Variants in RBFOX1 observed in about 807,000 individuals in gnomAD.
RBFOX1 encodes RNA binding fox-1 homolog 1, also known as RNA binding protein fox-1 homolog 1.
Under a neutral mutation model 57.7 loss-of-function variants are expected in RBFOX1, and 8 were observed. The ratio of observed to expected loss-of-function variants is 0.14; its 90% CI spans 0.08 to 0.25. The LOEUF (loss-of-function observed/expected upper bound fraction) is 0.25. RBFOX1 is among the 10% of genes least tolerant of loss of function. The pLI, the probability that RBFOX1 is intolerant of heterozygous loss-of-function variation, is 1.00. For missense variants in RBFOX1, 611 were observed against 548.5 expected (o/e 1.11, Z -1.14); for synonymous variants, 326 against 222.4 (o/e 1.47, Z -4.15).
intron 4 of RBFOX1, among the ~76,000 whole-genome samples, chr16:7,153,485 C>T (rs2076480753): frequency 6.6e-6 from 1 of 151,822 alleles, no homozygotes; most frequent in Non-Finnish European, 1.5e-5. Flanking sequence ...GTCTGTAATC[C>T]CAGCACTTTG....
chr16:6,962,746 C>T (rs1365417031), intron 3 of RBFOX1, among the ~76,000 whole-genome samples: 1 of 152,042 alleles, frequency 6.6e-6, no homozygotes, highest in Non-Finnish European at 1.5e-5. Context: ...TGTGTGTAGC[C>T]CCAGCTACCT....
chr16:6,863,231 A>T (rs528681258), intron 3 of RBFOX1, among the ~76,000 whole-genome samples: 1 of 152,096 alleles, frequency 6.6e-6, no homozygotes, highest in Non-Finnish European at 1.5e-5. Flanking sequence ...AAACATTCCA[A>T]CCTAAAGGCA....
intron 4 of RBFOX1, among the ~76,000 whole-genome samples, chr16:7,324,949 C>CAT (rs1394629934): frequency 6.6e-6 from 1 of 152,154 alleles, no homozygotes; most frequent in Non-Finnish European, 1.5e-5. Flanking sequence ...TTACAGAAGC[C>CAT]ATATACCTAT....
intron 4 of RBFOX1, among the ~76,000 whole-genome samples, chr16:7,124,085 G>A (rs2067831500): frequency 6.6e-6 from 1 of 152,206 alleles, no homozygotes; most frequent in Middle Eastern, 3.4e-3. Context: ...CCTCCCAAAT[G>A]CCCAGTGTTT....
At chr16:6,860,065 G>C (rs76839689) in intron 3 of RBFOX1, among the ~76,000 whole-genome samples, 1 of 152,302 alleles carries the variant, frequency 6.6e-6, no homozygotes, top group East Asian at 1.9e-4. Flanking sequence ...CGAGGTAAGT[G>C]AAGAGAGAGC....
chr16:5,715,402 C>T (rs1447058098), intron 3 of RBFOX1, among the ~76,000 whole-genome samples: 1 of 152,186 alleles, frequency 6.6e-6, no homozygotes, highest in Admixed American at 6.5e-5. Flanking sequence ...TGGGGACATT[C>T]AGTTGACATG....
chr16:6,483,330 C>T (rs2095405023), intron 2 of RBFOX1: 1 of 1,468,770 alleles, frequency 6.8e-7, no homozygotes, highest in South Asian at 1.4e-5. Flanking sequence ...CGTTCTGCAC[C>T]TGCTGGCGGT....
intron 3 of RBFOX1, among the ~76,000 whole-genome samples, chr16:6,876,950 A>G (rs1364847723): frequency 1.3e-5 from 2 of 152,142 alleles, no homozygotes; most frequent in Non-Finnish European, 2.9e-5. Context: ...CTCAGTATTT[A>G]TGGAAGAATA....
chr16:7,686,541 GA>G (rs964941650), intron 14 of RBFOX1, among the ~76,000 whole-genome samples: 2 of 151,816 alleles, frequency 1.3e-5, no homozygotes, highest in African/African-American at 4.8e-5. Flanking sequence ...GGTGGAGAGA[GA>G]AAGAGACTTT....
intron 3 of RBFOX1, among the ~76,000 whole-genome samples, chr16:5,841,678 G>C (rs572619165): frequency 6.6e-6 from 1 of 152,104 alleles, no homozygotes; most frequent in African/African-American, 2.4e-5. Flanking sequence ...GTAAGTCATG[G>C]GTGTCCTGTA....
chr16:6,147,034 G>C (rs1281403773), intron 1 of RBFOX1, among the ~76,000 whole-genome samples: 1 of 152,166 alleles, frequency 6.6e-6, no homozygotes, highest in African/African-American at 2.4e-5. Flanking sequence ...CACTGCATCA[G>C]CATCGCCTTG....
chr16:6,623,070 T>G (rs967691383), intron 2 of RBFOX1, among the ~76,000 whole-genome samples: 1 of 152,224 alleles, frequency 6.6e-6, no homozygotes, highest in Non-Finnish European at 1.5e-5. Flanking sequence ...CGACATATAT[T>G]GCAAATTACC....
At chr16:6,935,161 G>A (rs1232035065) in intron 3 of RBFOX1, among the ~76,000 whole-genome samples, 1 of 152,108 alleles carries the variant, frequency 6.6e-6, no homozygotes, top group Admixed American at 6.6e-5. Flanking sequence ...ATGCCTATCT[G>A]GCCTAATTTT....
At chr16:7,514,084 G>C (rs2075814891) in intron 4 of RBFOX1, among the ~76,000 whole-genome samples, 1 of 151,716 alleles carries the variant, frequency 6.6e-6, no homozygotes, top group Non-Finnish European at 1.5e-5. Flanking sequence ...ATGACATTCT[G>C]CCACAGCTAT....
intron 4 of RBFOX1, among the ~76,000 whole-genome samples, chr16:7,248,121 G>T (rs902353165): frequency 6.6e-6 from 1 of 152,194 alleles, no homozygotes; most frequent in Non-Finnish European, 1.5e-5. Context: ...GTGAATGAAG[G>T]CAAAGACTTC....
chr16:5,530,149 A>G (rs2044408619), intron 2 of RBFOX1, among the ~76,000 whole-genome samples: 1 of 152,174 alleles, frequency 6.6e-6, no homozygotes, highest in African/African-American at 2.4e-5. Context: ...ATACACCCTT[A>G]GAGCCTGAGA....
chr16:7,500,916 G>A (rs2070577671), intron 4 of RBFOX1, among the ~76,000 whole-genome samples: 2 of 152,150 alleles, frequency 1.3e-5, no homozygotes, highest in African/African-American at 2.4e-5. Context: ...GTAATAGTGA[G>A]TGACTTCTCA....
chr16:6,148,102 G>A (rs184755144), intron 1 of RBFOX1, among the ~76,000 whole-genome samples: 1 of 152,206 alleles, frequency 6.6e-6, no homozygotes, highest in Non-Finnish European at 1.5e-5. Context: ...GCCGAGGCGG[G>A]TGGATCACCT....
intron 4 of RBFOX1, among the ~76,000 whole-genome samples, chr16:7,178,157 A>G (rs750445982): frequency 6.6e-6 from 1 of 152,234 alleles, no homozygotes; most frequent in Non-Finnish European, 1.5e-5. Context: ...AACAAAAAAC[A>G]TGTTTATTCC....
Sources: gnomAD v4.1 joint callset for allele counts (sites outside exome capture counted in the v4.1 genomes callset) on GRCh38, gnomAD v4.1.1 for gene constraint, MANE v1.5 for transcripts, NCBI Gene and HGNC (gene_info 2026-07-23, HGNC 2026-07-21) for gene names.